The following IL17RD variants were observed in gnomAD, a reference collection of about 807,000 sequenced individuals.
The protein encoded by IL17RD is interleukin 17 receptor D, also known as interleukin-17 receptor D.
Under a neutral mutation model 80.5 loss-of-function variants are expected in IL17RD, and 52 were observed. The observed-to-expected ratio is 0.65, with a 90% CI of 0.52 to 0.81. The LOEUF (loss-of-function observed/expected upper bound fraction) is 0.81, where lower values mean the gene tolerates loss of function less well. Ranked by LOEUF, IL17RD falls within the 40% of genes least tolerant of loss-of-function variation. The pLI is 0.00. For missense variants in IL17RD, 1,024 were observed against 955.1 expected, an observed-to-expected ratio of 1.07 and a Z score of -0.95; for synonymous variants, 416 against 391.8, an observed-to-expected ratio of 1.06 and a Z score of -0.73.
chr3:57,152,424 A>G (rs1344109292), intron 1 of IL17RD, among the ~76,000 whole-genome samples: 1 of 152,166 alleles, frequency 6.6e-6, no homozygotes, highest in East Asian at 1.9e-4. Flanking sequence ...ATGTCCCACT[A>G]TTACATCTCG....
intron 4 of IL17RD, 25 bp downstream of exon 4, chr3:57,110,168 G>A: frequency 6.4e-7 from 1 of 1,566,810 alleles, no homozygotes; most frequent in Non-Finnish European, 8.7e-7. Flanking sequence ...ATGTCTTCAG[G>A]AGCACGTTCC....
intron 1 of IL17RD, among the ~76,000 whole-genome samples, chr3:57,140,893 C>CT (rs398105891): frequency 0.21 from 30,330 of 146,586 alleles, 3,618 homozygotes; most frequent in East Asian, 0.54. Flanking sequence ...GACCTTCACA[C>CT]TTTTTTTTTT....
intron 5 of IL17RD, among the ~76,000 whole-genome samples, chr3:57,107,623 G>A (rs1172351213): frequency 6.6e-6 from 1 of 152,146 alleles, no homozygotes; most frequent in African/African-American, 2.4e-5. Context: ...CCTGTTCCAG[G>A]GCGACCAGCC....
chr3:57,165,216 G>A lies in IL17RD; in HGVS notation c.71C>T (p.Ala24Val). 1 of 1,531,304 alleles carries A rather than the reference G, an allele frequency of 6.5e-7. No homozygotes were observed. Among genetic ancestry groups the A allele is most frequent in the Non-Finnish European group, 8.8e-7 (1 of 1,139,608 alleles). The allele number at this position is 1,531,304 out of a possible 1,614,324, so 94.9% of individuals were successfully genotyped here. A position where few individuals can be genotyped will look rare whatever the true frequency, so the allele number is the denominator to read the frequency against. Reference protein sequence around the residue: ...VNACLNGSQLAVAAGGSGRAR... With the variant: ...VNACLNGSQLVVAAGGSGRAR... ...GCGGCCGGACCCGCCAGCGGCCACA[G>A]CCAGCTGCGAGCCGTTGAGGCAGGC... Residue 24 changes from alanine (A) to valine (V), a missense_variant, in exon 1 of 13, where the codon GCT becomes GTT. By Grantham distance (64) the Ala-to-Val change is moderately conservative (BLOSUM62 0). Transcript: ENST00000296318.
rs997668560 is a variant in IL17RD, at chr3:57,091,122, G to C, written c.*5271C>G. 3 of 152,648 alleles carry C rather than the reference G, an allele frequency of 2.0e-5. No homozygotes were observed. Among genetic ancestry groups the C allele is most frequent in the Non-Finnish European group, 4.4e-5 (3 of 68,046 alleles). The allele number at this position is 152,648 out of a possible 1,614,324, so 9.5% of individuals were successfully genotyped here. The stretch of plus-strand genomic sequence containing the variant: ...AGCAACTACTGCTGTTACCACACCA[G>C]TGGTTAAACTGAAGTCTGTACCATT... On this transcript the variant is annotated 3_prime_UTR_variant, in exon 13 of 13. Transcript: ENST00000296318.
rs2107551562 is a variant in IL17RD at position 57,165,327 on chromosome 3, G to T, written c.-41C>A. 57 of 1,305,582 alleles carry T rather than the reference G, an allele frequency of 4.4e-5. 1 individual carries two copies. Among genetic ancestry groups the T allele is most frequent in the Non-Finnish European group, 5.5e-5 (56 of 1,022,894 alleles). 80.9% of individuals were successfully genotyped at this position (1,305,582 alleles called of 1,614,324 possible). ...CAGCCAGGCCGTTCTCTGCGCCCCG[G>T]CCGCCCGCCGCTGGCCAGCCCCGAG... On this transcript the variant is annotated 5_prime_UTR_variant, in exon 1 of 13. Coordinates refer to ENST00000296318, the MANE Select transcript of IL17RD (RefSeq NM_017563.5).
rs577243618 is a variant in IL17RD at position 57,152,002 on chromosome 3, C to T, written c.126+13159G>A. 1.1e-3 allele frequency among the ~76,000 whole-genome samples: 171 copies of T among 152,254 alleles called. 1 individual carries two copies. The highest frequency in any genetic ancestry group is 3.4e-3 in the Middle Eastern group (1 of 294). Reference sequence around the variant, plus strand: ...GGAAATGTCAGAGCCTGGGGAGCTGCGCAGACTCAGTACTGTGCCCCCAGT... The same window carrying T: ...GGAAATGTCAGAGCCTGGGGAGCTGTGCAGACTCAGTACTGTGCCCCCAGT... On this transcript the variant is annotated intron_variant, in intron 1 of 12. Coordinates refer to ENST00000296318, the MANE Select transcript of IL17RD (RefSeq NM_017563.5).
At chr3:57,112,092 G>A (rs953037739) in intron 3 of IL17RD, among the ~76,000 whole-genome samples, 2 of 152,284 alleles carry the variant, frequency 1.3e-5, no homozygotes, top group Admixed American at 1.3e-4. Context: ...GGAAGAGGCA[G>A]CAAACGTAAT....
chr3:57,116,292 T>G (rs1266572896), intron 2 of IL17RD, among the ~76,000 whole-genome samples: 1 of 149,632 alleles, frequency 6.7e-6, no homozygotes, highest in East Asian at 1.9e-4. Flanking sequence ...CTTTTTTTTT[T>G]TTTTTTTTGA....
At chr3:57,105,728 A>G (rs938840052) in intron 7 of IL17RD, 129 bp downstream of exon 7, 2 of 701,716 alleles carry the variant, frequency 2.9e-6, no homozygotes, top group African/African-American at 1.8e-5. Flanking sequence ...CAATGATTAC[A>G]TTCTCAAGTA....
At chr3:57,129,450 C>T (rs1234399905) in intron 1 of IL17RD, among the ~76,000 whole-genome samples, 3 of 152,148 alleles carry the variant, frequency 2.0e-5, no homozygotes, top group Non-Finnish European at 2.9e-5. Context: ...GCCTTAGGAC[C>T]ACACAGAGAG....
chr3:57,165,364 C>T (rs2060341766), upstream of IL17RD: 4 of 1,142,766 alleles, frequency 3.5e-6, no homozygotes, highest in South Asian at 1.3e-4. Context: ...GGGCGGTGGC[C>T]GCGGCGGCCG....
At chr3:57,161,938 AT>A (rs1559489058) in intron 1 of IL17RD, among the ~76,000 whole-genome samples, 1 of 152,092 alleles carries the variant, frequency 6.6e-6, no homozygotes, top group African/African-American at 2.4e-5. Flanking sequence ...CCCTAAGAGA[AT>A]TTTTTTTAAG....
At chr3:57,103,781 T>C (rs915600774) in intron 8 of IL17RD, among the ~76,000 whole-genome samples, 8 of 152,198 alleles carry the variant, frequency 5.3e-5, no homozygotes, top group Non-Finnish European at 1.0e-4. Context: ...TTCAGCTCAC[T>C]GCAACCTCCA....
In IL17RD at chr3:57,093,608, T is replaced by G. The variant is rs1706605903; in HGVS notation, c.*2785A>C. On this transcript the variant is annotated 3_prime_UTR_variant, in exon 13 of 13. Transcript: ENST00000296318. ...CTGGCTGGGTCACCATCTGAATACC[T>G]GGGCCTGGACTGGAATGACTTCTGA... The G allele has an allele frequency of 6.6e-6, 1 of 152,258 alleles. No homozygotes were observed. Among genetic ancestry groups the G allele is most frequent in the South Asian group, 2.1e-4 (1 of 4,834 alleles). The allele number at this position is 152,258 out of a possible 1,614,324, so 9.4% of individuals were successfully genotyped here. A position where few individuals can be genotyped will look rare whatever the true frequency, so the allele number is the denominator to read the frequency against.
intron 1 of IL17RD, among the ~76,000 whole-genome samples, chr3:57,124,885 C>T (rs1285816612): frequency 1.3e-5 from 2 of 152,190 alleles, no homozygotes; most frequent in Non-Finnish European, 2.9e-5. Context: ...TCCTTGTGTT[C>T]TCCCCAACCC....
intron 1 of IL17RD, among the ~76,000 whole-genome samples, chr3:57,125,326 G>C (rs937599135): frequency 1.3e-5 from 2 of 152,088 alleles, no homozygotes; most frequent in Non-Finnish European, 2.9e-5. Flanking sequence ...AGAATTGCTT[G>C]AATCTGGGAG....
upstream of IL17RD, among the ~76,000 whole-genome samples, chr3:57,166,677 C>T (rs1201899816): frequency 6.6e-6 from 1 of 152,194 alleles, no homozygotes; most frequent in Non-Finnish European, 1.5e-5. Flanking sequence ...AAAATCCATA[C>T]TGGCTTTCTC....
At chr3:57,164,705 C>T (rs1258631602) in intron 1 of IL17RD, among the ~76,000 whole-genome samples, 1 of 152,194 alleles carries the variant, frequency 6.6e-6, no homozygotes, top group Non-Finnish European at 1.5e-5. Flanking sequence ...CCTCTCCGGC[C>T]GCCCGGGCCT....
Sources: allele counts gnomAD v4.1 joint callset (sites outside exome capture counted in the v4.1 genomes callset), GRCh38; gene constraint gnomAD v4.1.1; transcripts MANE v1.5; gene names NCBI Gene and HGNC (gene_info 2026-07-23, HGNC 2026-07-21).